ITGB5: variants seen among roughly 807,000 people sequenced by gnomAD.
The protein encoded by ITGB5 is integrin subunit beta 5, also known as integrin beta-5.
A neutral mutation model predicts 84.8 loss-of-function variants in ITGB5; 38 were observed. The ratio of observed to expected loss-of-function variants is 0.45; its 90% CI spans 0.35 to 0.59. ITGB5 has a LOEUF of 0.59. Ranked by LOEUF, ITGB5 falls within the 20% of genes least tolerant of loss-of-function variation. The pLI is 0.01. For missense variants in ITGB5, 905 were observed against 1,034.5 expected (o/e 0.87, Z 1.72); for synonymous variants, 393 against 414.4 (o/e 0.95, Z 0.63).
At chr3:124,880,029 T>C (rs185251023) in intron 1 of ITGB5, among the ~76,000 whole-genome samples, 25 of 152,346 alleles carry the variant, frequency 1.6e-4, no homozygotes, top group African/African-American at 5.8e-4. Context: ...ATTACCTCTA[T>C]GTTCTTCTTC....
intron 3 of ITGB5, among the ~76,000 whole-genome samples, chr3:124,854,638 C>T (rs528089759): frequency 1.2e-4 from 18 of 152,226 alleles, no homozygotes; most frequent in South Asian, 8.3e-4. Flanking sequence ...TAACTGTTCA[C>T]GGGTATGGGA....
chr3:124,862,609 G>A, intron 2 of ITGB5: 1 of 152,220 alleles, frequency 6.6e-6, no homozygotes, highest in Non-Finnish European at 1.5e-5. Flanking sequence ...CTGTGAGGCG[G>A]ACAGGTCAGT....
chr3:124,846,106 A>G (rs1419559790), intron 4 of ITGB5, among the ~76,000 whole-genome samples: 1 of 152,184 alleles, frequency 6.6e-6, no homozygotes, highest in Non-Finnish European at 1.5e-5. Context: ...TCAGTTCCCA[A>G]TACCTGAAAA....
intron 3 of ITGB5, among the ~76,000 whole-genome samples, chr3:124,849,441 C>G (rs759894303): frequency 1.3e-5 from 2 of 152,108 alleles, no homozygotes; most frequent in African/African-American, 2.4e-5. Flanking sequence ...GCCACATCAC[C>G]TGTGTTTGTT....
At chr3:124,764,113 C>A (rs754266471) in intron 14 of ITGB5, among the ~76,000 whole-genome samples, 3 of 152,172 alleles carry the variant, frequency 2.0e-5, no homozygotes, top group African/African-American at 4.8e-5. Context: ...TTGGTCTGTG[C>A]TCTCTCTGAG....
At chr3:124,783,654 C>T (rs1181359653) in intron 10 of ITGB5, among the ~76,000 whole-genome samples, 1 of 152,174 alleles carries the variant, frequency 6.6e-6, no homozygotes, top group Non-Finnish European at 1.5e-5. Flanking sequence ...ACCTGAAGAA[C>T]TTAAATGTGA....
chr3:124,786,598 G>A (rs376867983), intron 10 of ITGB5, among the ~76,000 whole-genome samples: 2 of 152,244 alleles, frequency 1.3e-5, no homozygotes, highest in East Asian at 1.9e-4. Context: ...CTGGGTCAGA[G>A]AACAACAGTC....
intron 7 of ITGB5, 43 bp from the exon 8 acceptor site, chr3:124,817,753 C>A: frequency 8.5e-7 from 1 of 1,178,140 alleles, no homozygotes; most frequent in Non-Finnish European, 1.3e-6. Context: ...TCATTTTGCC[C>A]TGCCAACCAT....
intron 1 of ITGB5, among the ~76,000 whole-genome samples, chr3:124,893,107 T>C (rs1462279079): frequency 6.6e-6 from 1 of 152,128 alleles, no homozygotes; most frequent in Non-Finnish European, 1.5e-5. Flanking sequence ...TCTTTAATGT[T>C]AAGATTAACT....
intron 8 of ITGB5, among the ~76,000 whole-genome samples, chr3:124,809,823 A>G (rs2064469837): frequency 6.6e-6 from 1 of 152,184 alleles, no homozygotes; most frequent in Non-Finnish European, 1.5e-5. Flanking sequence ...AAAAAAGTAA[A>G]GTTTTTTTCT....
chr3:124,863,805 C>A (rs1045349586), intron 2 of ITGB5, among the ~76,000 whole-genome samples: 1 of 152,034 alleles, frequency 6.6e-6, no homozygotes, highest in African/African-American at 2.4e-5. Flanking sequence ...TAAGCCACAA[C>A]ACCTGGCCTA....
chr3:124,773,971 C>A, intron 10 of ITGB5, 59 bp from the exon 11 acceptor site: 4 of 1,459,020 alleles, frequency 2.7e-6, no homozygotes, highest in African/African-American at 1.4e-5. Context: ...AGCACATAAC[C>A]ATCTGGTGCC....
At chr3:124,785,604 C>CA (rs2064071028) in intron 10 of ITGB5, among the ~76,000 whole-genome samples, 1 of 149,618 alleles carries the variant, frequency 6.7e-6, no homozygotes, top group Non-Finnish European at 1.5e-5. Context: ...AAAAAAACCC[C>CA]AAAAAAACAA....
rs2063708748 is a variant in ITGB5 at position 124,762,452 on chromosome 3, G to C, written c.*1171C>G. 6.6e-6 allele frequency: 1 copy of C among 152,186 alleles called. No individual in the cohort carries two copies. Among genetic ancestry groups the C allele is most frequent in the South Asian group, 2.1e-4 (1 of 4,822 alleles). 9.4% of individuals were successfully genotyped at this position (152,186 alleles called of 1,614,324 possible). A position where few individuals can be genotyped will look rare whatever the true frequency, so the allele number is the denominator to read the frequency against. ...TCAGTTTCCTCTTCTGTACATAAGG[G>C]GAGAGGGTCAGTCAACCATCTTAGA... On this transcript the variant is annotated 3_prime_UTR_variant, in exon 15 of 15. Transcript: ENST00000296181.
chr3:124,873,257 C>T lies in ITGB5; in HGVS notation c.156+189G>A, dbSNP rs532754985. Among the ~76,000 whole-genome samples the T allele has an allele frequency of 3.9e-5, 6 of 152,316 alleles. No homozygotes were observed. In the South Asian group the frequency reaches 1.2e-3, roughly 32 times the overall value. ...ATTAGCATTCCACAGTATCAAGAAACCCAGTTTATCTTATTGTCTCATAAA... is the reference window on the plus strand; with the variant it reads ...ATTAGCATTCCACAGTATCAAGAAATCCAGTTTATCTTATTGTCTCATAAA... On this transcript the variant is annotated intron_variant, in intron 2 of 14. Coordinates refer to ENST00000296181, the MANE Select transcript of ITGB5 (RefSeq NM_002213.5).
rs1579273269 is a variant in ITGB5 at position 124,836,453 on chromosome 3, A to G, written c.780+4930T>C. Among the ~76,000 whole-genome samples the G allele has an allele frequency of 2.6e-5, 4 of 152,246 alleles. No individual in the cohort carries two copies. The South Asian group carries it at 6.2e-4, about 24-fold the overall frequency. ...AGAATGAGATCTCCTTTCAAAAAAA[A>G]AAGAAAAAGAAAAAAAAATTGTTTT... On this transcript the variant is annotated intron_variant, in intron 5 of 14. Coordinates refer to ENST00000296181, the MANE Select transcript of ITGB5 (RefSeq NM_002213.5).
intron 5 of ITGB5, among the ~76,000 whole-genome samples, chr3:124,834,940 CAAG>C (rs2064912208): frequency 1.3e-5 from 2 of 152,118 alleles, no homozygotes; most frequent in South Asian, 4.1e-4. Context: ...ACATTCCAAG[CAAG>C]AAGGAGCCTC....
At chr3:124,793,727 ACAGAAC>A (rs1225349881) in intron 10 of ITGB5, among the ~76,000 whole-genome samples, 1 of 152,252 alleles carries the variant, frequency 6.6e-6, no homozygotes, top group East Asian at 1.9e-4. Context: ...TACTAACCAG[ACAGAAC>A]CATCTAGCTA....
At chr3:124,883,037 C>G (rs940830754) in intron 1 of ITGB5, among the ~76,000 whole-genome samples, 2 of 152,124 alleles carry the variant, frequency 1.3e-5, no homozygotes, top group African/African-American at 4.8e-5. Context: ...GAAAACAAAC[C>G]ACGGCAGTCA....
Sources: allele counts gnomAD v4.1 joint callset (sites outside exome capture counted in the v4.1 genomes callset), GRCh38; gene constraint gnomAD v4.1.1; transcripts MANE v1.5; gene names NCBI Gene and HGNC (gene_info 2026-07-23, HGNC 2026-07-21).